WDTC1: variants seen among roughly 807,000 people sequenced by gnomAD.
The protein encoded by WDTC1 is WD and tetratricopeptide repeats protein 1.
In WDTC1, 12 loss-of-function variants were observed where a neutral mutation model predicts 76.0. That is an observed-to-expected ratio of 0.16 (90% CI 0.10 to 0.26). The LOEUF (loss-of-function observed/expected upper bound fraction) is 0.26. Among genes scored for constraint, WDTC1 ranks in the 10% least tolerant of loss-of-function variants. The pLI is 1.00. For missense variants in WDTC1, 511 were observed against 908.8 expected (o/e 0.56, Z 5.63); for synonymous variants, 326 against 350.8 (o/e 0.93, Z 0.79).
At chr1:27,250,602 G>C (rs1263754207) in intron 1 of WDTC1, among the ~76,000 whole-genome samples, 1 of 152,160 alleles carries the variant, frequency 6.6e-6, no homozygotes, top group Non-Finnish European at 1.5e-5. Context: ...TGAGGGGGAA[G>C]CTGGAATTCA....
intron 3 of WDTC1, among the ~76,000 whole-genome samples, chr1:27,267,730 T>C (rs1418731668): frequency 1.3e-5 from 2 of 152,182 alleles, no homozygotes; most frequent in Non-Finnish European, 2.9e-5. Context: ...AATTAAGGTC[T>C]AAAACAATGA....
In WDTC1 at chr1:27,301,214, C is replaced by T. The variant is rs774563511; in HGVS notation, c.1233-12C>T. 2.5e-6 allele frequency: 4 copies of T among 1,612,316 alleles called. No individual in the cohort carries two copies. Among genetic ancestry groups the T allele is most frequent in the South Asian group, 1.1e-5 (1 of 91,048 alleles). On this transcript the variant is annotated splice_polypyrimidine_tract_variant and intron_variant, in intron 12 of 15. Coordinates refer to ENST00000319394, the MANE Select transcript of WDTC1 (RefSeq NM_001276252.2). The surrounding 1 kb of genome is among the most constrained non-coding windows in gnomAD (Gnocchi z 5.8). ...GGCTCCACCTCCAAGCCGCTCTTCC[C>T]TGCCTTCCCAGGGATGGTGACCACT...
At chr1:27,270,312 A>C (rs1248750152) in intron 3 of WDTC1, among the ~76,000 whole-genome samples, 1 of 152,230 alleles carries the variant, frequency 6.6e-6, no homozygotes, top group Non-Finnish European at 1.5e-5. Context: ...GAACCAGTTA[A>C]GAGGTTATGA....
intron 3 of WDTC1, among the ~76,000 whole-genome samples, chr1:27,265,872 C>T (rs917595794): frequency 5.3e-5 from 8 of 151,946 alleles, no homozygotes; most frequent in Middle Eastern, 3.4e-3. Context: ...GCTTGAACCC[C>T]GGAGGTGGAG....
chr1:27,260,750 A>C (rs1400812714), intron 1 of WDTC1, among the ~76,000 whole-genome samples: 1 of 152,162 alleles, frequency 6.6e-6, no homozygotes, highest in African/African-American at 2.4e-5. Flanking sequence ...TGTTTGTTCC[A>C]ATGCTTGTTG....
chr1:27,306,114 C>T lies in WDTC1; in HGVS notation c.1837-72C>T. ...GTTTAGTCTGTGTATTTCCCTCCCCCTCCCCTATACGTGTACCCTGGTGCC... is the reference window on the plus strand; with the variant it reads ...GTTTAGTCTGTGTATTTCCCTCCCCTTCCCCTATACGTGTACCCTGGTGCC... On this transcript the variant is annotated intron_variant, in intron 15 of 15. Coordinates refer to ENST00000319394, the MANE Select transcript of WDTC1 (RefSeq NM_001276252.2). The surrounding 1 kb of genome is among the most constrained non-coding windows in gnomAD (Gnocchi z 5.0). 6.4e-7 allele frequency: 1 copy of T among 1,555,468 alleles called. No homozygotes were observed. The highest frequency in any genetic ancestry group is 1.1e-5 in the South Asian group (1 of 89,018).
chr1:27,289,608 C>T (rs1557502720), intron 6 of WDTC1, among the ~76,000 whole-genome samples: 2 of 152,204 alleles, frequency 1.3e-5, no homozygotes, highest in East Asian at 1.9e-4. Flanking sequence ...GCTGCAATCT[C>T]GGCACTTTGG....
intron 4 of WDTC1, 118 bp downstream of exon 4, chr1:27,282,403 C>A: frequency 2.2e-6 from 2 of 927,702 alleles, no homozygotes; most frequent in Non-Finnish European, 3.3e-6. Context: ...AAAGAGACTG[C>A]TGCTGTCTGC....
At chr1:27,256,610 C>T (rs972809627) in intron 1 of WDTC1, among the ~76,000 whole-genome samples, 6 of 152,352 alleles carry the variant, frequency 3.9e-5, no homozygotes, top group African/African-American at 1.4e-4. Context: ...TGCCATCATA[C>T]ACTTTCCACT....
intron 1 of WDTC1, among the ~76,000 whole-genome samples, chr1:27,259,077 T>G (rs1309329002): frequency 6.6e-6 from 1 of 152,230 alleles, no homozygotes; most frequent in Non-Finnish European, 1.5e-5. Context: ...TTTTATAGAA[T>G]AATTTTGAAA....
At chr1:27,304,960 A>AG in intron 14 of WDTC1, 41 bp from the exon 15 acceptor site, 6 of 1,581,818 alleles carry the variant, frequency 3.8e-6, no homozygotes, top group Non-Finnish European at 4.3e-6. Context: ...GCTGTAGGGC[A>AG]GTACCCCACC....
chr1:27,269,612 T>TG lies in WDTC1; in HGVS notation c.132+6377_132+6378insG, dbSNP rs199916163. On this transcript the variant is annotated intron_variant, in intron 3 of 15. Coordinates refer to ENST00000319394, the MANE Select transcript of WDTC1 (RefSeq NM_001276252.2). The stretch of plus-strand genomic sequence containing the variant: ...AGATTTTTTTTTGTTTTTTGTTTTT[T>TG]TTTTTTCGGTTTTTTTTTTTTTGAG... Among the ~76,000 whole-genome samples the TG allele has an allele frequency of 2.7e-3, 379 of 142,098 alleles. 8 individuals are homozygous for TG. The highest frequency in any genetic ancestry group is 4.2e-3 in the Non-Finnish European group (282 of 66,484). The allele number at this position is 142,098 out of a possible 152,430, so 93.2% of individuals were successfully genotyped here. A position where few individuals can be genotyped will look rare whatever the true frequency, so the allele number is the denominator to read the frequency against.
chr1:27,251,031 T>C (rs998161612), intron 1 of WDTC1, among the ~76,000 whole-genome samples: 3 of 121,950 alleles, frequency 2.5e-5, no homozygotes, highest in African/African-American at 9.4e-5. Context: ...TACTCCTGGC[T>C]AATTTTTTTT....
chr1:27,297,803 G>T, intron 11 of WDTC1, 135 bp from the exon 12 acceptor site: 1 of 857,104 alleles, frequency 1.2e-6, no homozygotes, highest in South Asian at 2.0e-5. Flanking sequence ...CAGGGTAGTG[G>T]TCCCCTCTTC....
rs184274184 is a variant in WDTC1 at position 27,301,564 on chromosome 1, A to T, written c.1468+103A>T. On this transcript the variant is annotated intron_variant, in intron 13 of 15. Coordinates refer to ENST00000319394, the MANE Select transcript of WDTC1 (RefSeq NM_001276252.2). The surrounding 1 kb of genome is among the most constrained non-coding windows in gnomAD (Gnocchi z 5.8). ...TCTGGGATTGGAGAGGCCTGGGTTC[A>T]GATGTTGATTCAGAAACCATGCAAC... 7.6e-7 allele frequency: 1 copy of T among 1,310,512 alleles called. No individual in the cohort carries two copies. The highest frequency in any genetic ancestry group is 2.1e-5 in the Admixed American group (1 of 47,958). The allele number at this position is 1,310,512 out of a possible 1,614,324, so 81.2% of individuals were successfully genotyped here.
chr1:27,280,355 A>T (rs1189538876), intron 3 of WDTC1, among the ~76,000 whole-genome samples: 1 of 152,242 alleles, frequency 6.6e-6, no homozygotes, highest in Non-Finnish European at 1.5e-5. Context: ...ACATATCATT[A>T]AGTCAATGGA....
intron 1 of WDTC1, among the ~76,000 whole-genome samples, chr1:27,249,097 A>G (rs1300957919): frequency 6.6e-6 from 1 of 152,092 alleles, no homozygotes; most frequent in Non-Finnish European, 1.5e-5. Context: ...GTGAAACCCC[A>G]TCTCTACTAA....
intron 6 of WDTC1, among the ~76,000 whole-genome samples, chr1:27,289,422 C>G (rs1467150394): frequency 6.8e-6 from 1 of 146,420 alleles, no homozygotes; most frequent in African/African-American, 2.6e-5. Flanking sequence ...ACATCTCAGA[C>G]GATGGGCGGC....
chr1:27,299,303 G>A (rs1164304374), intron 12 of WDTC1, among the ~76,000 whole-genome samples: 1 of 152,224 alleles, frequency 6.6e-6, no homozygotes, highest in African/African-American at 2.4e-5. Context: ...AGTGGGTAAA[G>A]TGGTGGACAT....
Sources: gnomAD v4.1 joint callset for allele counts (sites outside exome capture counted in the v4.1 genomes callset) on GRCh38, gnomAD v4.1.1 for gene constraint, Gnocchi (gnomAD v3.1) non-coding constraint, MANE v1.5 for transcripts, NCBI Gene and HGNC (gene_info 2026-07-23, HGNC 2026-07-21) for gene names.